CYB5R4: variants seen among roughly 807,000 people sequenced by gnomAD.
CYB5R4 encodes N-terminal cytochrome b5 and cytochrome b5 oxidoreductase domain-containing protein.
CYB5R4 carries 55 observed loss-of-function variants against 70.2 expected under a neutral mutation model. The ratio of observed to expected loss-of-function variants is 0.78; its 90% CI spans 0.63 to 0.98. The LOEUF (loss-of-function observed/expected upper bound fraction) is 0.98, where lower values mean the gene tolerates loss of function less well. Among genes scored for constraint, CYB5R4 ranks in the 50% least tolerant of loss-of-function variants. The pLI is 0.00. For missense variants in CYB5R4, 562 were observed against 612.6 expected, an observed-to-expected ratio of 0.92 and a Z score of 0.87; for synonymous variants, 197 against 199.5, an observed-to-expected ratio of 0.99 and a Z score of 0.11.
At chr6:83,945,714 A>T (rs2099470481) in intron 14 of CYB5R4, among the ~76,000 whole-genome samples, 1 of 152,180 alleles carries the variant, frequency 6.6e-6, no homozygotes, top group South Asian at 2.1e-4. Context: ...AATCAAATAG[A>T]TACAATAAAA....
chr6:83,938,204 T>G (rs1414346435), intron 12 of CYB5R4, among the ~76,000 whole-genome samples: 1 of 152,156 alleles, frequency 6.6e-6, no homozygotes, highest in Non-Finnish European at 1.5e-5. Context: ...GATTATCACC[T>G]TGTGAGAGAA....
At chr6:83,871,388 A>G (rs935225752) in intron 2 of CYB5R4, among the ~76,000 whole-genome samples, 1 of 152,198 alleles carries the variant, frequency 6.6e-6, no homozygotes, top group Non-Finnish European at 1.5e-5. Context: ...TCTTACTAAC[A>G]TCTAAGATTA....
rs1283540535 is a variant in CYB5R4, at chr6:83,966,706, A to C, written c.*6828A>C. The stretch of plus-strand genomic sequence containing the variant: ...AACTCCATCTCAAAAAATAAAACAA[A>C]TAAAAAGGATTCTAGAGGAAGTGGT... On this transcript the variant is annotated 3_prime_UTR_variant, in exon 16 of 16. Transcript: ENST00000369681. 1 of 152,212 alleles carries C rather than the reference A, an allele frequency of 6.6e-6. No homozygotes were observed. The highest frequency in any genetic ancestry group is 1.5e-5 in the Non-Finnish European group (1 of 68,044). The allele number at this position is 152,212 out of a possible 1,614,324, so 9.4% of individuals were successfully genotyped here.
At chr6:83,902,452 A>G (rs1443571605) in intron 3 of CYB5R4, among the ~76,000 whole-genome samples, 4 of 152,080 alleles carry the variant, frequency 2.6e-5, no homozygotes, top group African/African-American at 9.7e-5. Context: ...ATCAGGTAGT[A>G]TGATGTCACC....
At position 83,935,378 on chromosome 6, in the gene CYB5R4, A is replaced by T. The variant is rs143779593; in HGVS notation, c.955+643A>T. Among the ~76,000 whole-genome samples, 25 of 152,252 alleles carry T rather than the reference A, an allele frequency of 1.6e-4. 1 individual carries two copies. In the East Asian group the frequency reaches 3.9e-3, roughly 24 times the overall value. ...AATGTTACCACCTAGGTCTCAGAAG[A>T]TATGATATATTATGATGAGGCACTG... On this transcript the variant is annotated intron_variant, in intron 11 of 15. Transcript: ENST00000369681.
chr6:83,926,587 C>T (rs975914464), intron 10 of CYB5R4, among the ~76,000 whole-genome samples: 3 of 152,094 alleles, frequency 2.0e-5, no homozygotes, highest in African/African-American at 7.2e-5. Flanking sequence ...AACTTAATTA[C>T]CTTTTAAATG....
At chr6:83,879,865 C>T (rs193019047) in intron 2 of CYB5R4, among the ~76,000 whole-genome samples, 1 of 152,218 alleles carries the variant, frequency 6.6e-6, no homozygotes, top group East Asian at 1.9e-4. Flanking sequence ...GTTAAAATTT[C>T]AGTTGTTTTG....
chr6:83,889,321 A>G (rs2099460748), intron 2 of CYB5R4, among the ~76,000 whole-genome samples: 1 of 152,186 alleles, frequency 6.6e-6, no homozygotes, highest in Non-Finnish European at 1.5e-5. Flanking sequence ...GCCTGGCTTC[A>G]AAGCTTCAAA....
At chr6:83,896,530 GTGTC>G (rs1237294160) in intron 3 of CYB5R4, among the ~76,000 whole-genome samples, 4 of 152,170 alleles carry the variant, frequency 2.6e-5, no homozygotes, top group Non-Finnish European at 4.4e-5. Flanking sequence ...TTGTCTTTCT[GTGTC>G]TGTGTATTTC....
At chr6:83,917,014 C>T (rs372200602) in intron 5 of CYB5R4, among the ~76,000 whole-genome samples, 10 of 152,228 alleles carry the variant, frequency 6.6e-5, no homozygotes, top group African/African-American at 2.4e-4. Flanking sequence ...CTAAATCTTA[C>T]CATATACAAA....
chr6:83,875,781 A>G (rs2099458438), intron 2 of CYB5R4, among the ~76,000 whole-genome samples: 1 of 152,176 alleles, frequency 6.6e-6, no homozygotes, highest in Non-Finnish European at 1.5e-5. Context: ...GCAAGAATCA[A>G]TATTATTATC....
At chr6:83,894,145 G>T (rs1364768209) in intron 3 of CYB5R4, among the ~76,000 whole-genome samples, 1 of 152,162 alleles carries the variant, frequency 6.6e-6, no homozygotes, top group Non-Finnish European at 1.5e-5. Flanking sequence ...CAGAGATTCT[G>T]TATAGGTTAT....
At chr6:83,905,045 T>C (rs2099463549) in intron 3 of CYB5R4, among the ~76,000 whole-genome samples, 1 of 151,930 alleles carries the variant, frequency 6.6e-6, no homozygotes, top group Non-Finnish European at 1.5e-5. Flanking sequence ...GTATGTTTGT[T>C]TTGTTTGTTT....
At chr6:83,929,215 T>G (rs774952822) in intron 10 of CYB5R4, among the ~76,000 whole-genome samples, 1 of 152,216 alleles carries the variant, frequency 6.6e-6, no homozygotes, top group African/African-American at 2.4e-5. Flanking sequence ...CAAAGTATTA[T>G]AATTAACTTG....
chr6:83,870,268 G>A (rs1313024034), intron 2 of CYB5R4, among the ~76,000 whole-genome samples: 2 of 152,160 alleles, frequency 1.3e-5, no homozygotes, highest in Non-Finnish European at 2.9e-5. Context: ...CAATGGGTCA[G>A]TATTTACTAA....
intron 2 of CYB5R4, among the ~76,000 whole-genome samples, chr6:83,892,206 T>A (rs538205984): frequency 1.2e-3 from 177 of 152,346 alleles, no homozygotes; most frequent in South Asian, 3.5e-3. Flanking sequence ...TCTGTGAATT[T>A]ACTTCCTTTT....
At chr6:83,922,993 C>T (rs543028552) in intron 9 of CYB5R4, among the ~76,000 whole-genome samples, 14 of 151,684 alleles carry the variant, frequency 9.2e-5, no homozygotes, top group African/African-American at 2.7e-4. Context: ...CATGTGGCCC[C>T]GACTGGCCCC....
chr6:83,871,793 T>A (rs972131817), intron 2 of CYB5R4, among the ~76,000 whole-genome samples: 2 of 152,164 alleles, frequency 1.3e-5, no homozygotes, highest in Non-Finnish European at 1.5e-5. Flanking sequence ...TATTCCCTTT[T>A]TATTTCTTTA....
Position 83,921,091 on chromosome 6 carries a change from T to A in CYB5R4, c.574T>A (p.Leu192Ile). 3 of 1,508,732 alleles carry A rather than the reference T, an allele frequency of 2.0e-6. No individual in the cohort carries two copies. Among genetic ancestry groups the A allele is most frequent in the Non-Finnish European group, 2.7e-6 (3 of 1,116,016 alleles). The allele number at this position is 1,508,732 out of a possible 1,614,324, so 93.5% of individuals were successfully genotyped here. Residue 192 changes from leucine to isoleucine, a missense_variant, in exon 8 of 16, where the codon TTA (leucine) becomes ATA (isoleucine). By Grantham distance (5) the Leu-to-Ile change is conservative. Transcript: ENST00000369681. ...TTGCTTTCTCTTTAAGGATATCAAT[T>A]TAGACTCAATAATAGTTGATCATCA... ...AIYTKQKDIN[L>I]DSIIVDHQND...
Sources: gnomAD v4.1 joint callset for allele counts (sites outside exome capture counted in the v4.1 genomes callset) on GRCh38, gnomAD v4.1.1 for gene constraint, MANE v1.5 for transcripts, NCBI Gene and HGNC (gene_info 2026-07-23, HGNC 2026-07-21) for gene names.